ZNF184: variants seen among roughly 807,000 people sequenced by gnomAD.
ZNF184 encodes zinc finger protein 184 (Kruppel-like).
A neutral mutation model predicts 54.4 loss-of-function variants in ZNF184; 16 were observed. That is an observed-to-expected ratio of 0.29 (90% CI 0.20 to 0.45). The LOEUF (loss-of-function observed/expected upper bound fraction) is 0.45. ZNF184 is among the 20% of genes least tolerant of loss of function. The pLI, the probability that ZNF184 is intolerant of heterozygous loss-of-function variation, is 1.00. For missense variants in ZNF184, 681 were observed against 888.2 expected (o/e 0.77, Z 2.97); for synonymous variants, 254 against 295.3 (o/e 0.86, Z 1.43).
At chr6:27,465,016 C>CAAAAAAAAAAAAAAAAAAAAAAAAA (rs61602778) in intron 3 of ZNF184, among the ~76,000 whole-genome samples, 2 of 48,918 alleles carry the variant, frequency 4.1e-5, no homozygotes, top group African/African-American at 1.1e-4. Flanking sequence ...GACTCTGTCT[C>CAAAAAAAAAAAAAAAAAAAAAAAAA]AAAAAAAAAA....
At chr6:27,407,487 C>T in the ZNF184 span, among the ~76,000 whole-genome samples, 1 of 152,346 alleles carries the variant, frequency 6.6e-6, no homozygotes, top group East Asian at 1.9e-4. Flanking sequence ...GCTTCACTCT[C>T]TCTCTGGGCA....
rs1277620230 is a variant in ZNF184 at position 27,472,366 on chromosome 6, T to C, written c.-72A>G. 4.4e-6 allele frequency: 7 copies of C among 1,607,914 alleles called. No homozygotes were observed. Among genetic ancestry groups the C allele is most frequent in the Non-Finnish European group, 6.0e-6 (7 of 1,175,240 alleles). On this transcript the variant is annotated 5_prime_UTR_variant, in exon 2 of 6. Transcript: ENST00000683788. This position sits in a 1 kb window ranked among gnomAD's most constrained non-coding sequence, Gnocchi z 4.8. Reference sequence around the variant, plus strand: ...CCAGGCAGCGTTCCTTCAGCTGGTATCTCGGTCTAGGACTCAGATGTCTAA... The same window carrying C: ...CCAGGCAGCGTTCCTTCAGCTGGTACCTCGGTCTAGGACTCAGATGTCTAA...
At chr6:27,448,764 C>CT (rs10603749), downstream of ZNF184, among the ~76,000 whole-genome samples, 10,032 of 150,130 alleles carry the variant, frequency 0.067, 473 homozygotes, top group African/African-American at 0.14. Context: ...AATGCATTTC[C>CT]TTTTTTTTTT....
chr6:27,464,205 C>A (rs113012268), intron 3 of ZNF184, among the ~76,000 whole-genome samples: 39 of 152,298 alleles, frequency 2.6e-4, no homozygotes, highest in African/African-American at 8.9e-4. Flanking sequence ...CGAAAATGAT[C>A]ATTACACAAT....
rs749865285 is a variant in ZNF184 at position 27,451,590 on chromosome 6, G to A, written c.1969C>T (p.Leu657=). 1 of 1,614,172 alleles carries A rather than the reference G, an allele frequency of 6.2e-7. No individual in the cohort carries two copies. The highest frequency in any genetic ancestry group is 8.5e-7 in the Non-Finnish European group (1 of 1,180,010). ...GTGTGAATTCGTTGATGCTGAGTTA[G>A]ATGGGAGCTCTGGCTAAAGGTCTTT... ...CEKTFSQSSH[L]TQHQRIHTGE... is the part of the protein sequence containing the mutation. The change falls in exon 6 of 6, where the codon CTA becomes TTA. Residue 657 remains leucine, a synonymous_variant. Coordinates refer to ENST00000683788, the MANE Select transcript of ZNF184 (RefSeq NM_001318891.2).
chr6:27,437,540 T>G, the ZNF184 span, among the ~76,000 whole-genome samples: 1 of 152,208 alleles, frequency 6.6e-6, no homozygotes, highest in Non-Finnish European at 1.5e-5. Flanking sequence ...TTAAGCCTTG[T>G]AAGACCCTAC....
the ZNF184 span, among the ~76,000 whole-genome samples, chr6:27,420,139 A>G: frequency 2.0e-5 from 3 of 152,170 alleles, no homozygotes; most frequent in Admixed American, 6.5e-5. Flanking sequence ...GATACTCTAC[A>G]TATTTTCCAT....
chr6:27,424,298 G>T, the ZNF184 span, among the ~76,000 whole-genome samples: 1 of 152,222 alleles, frequency 6.6e-6, no homozygotes, highest in Non-Finnish European at 1.5e-5. Context: ...TGAGCACAAA[G>T]AGTAAGCAGC....
chr6:27,470,569 T>A (rs1012811822), intron 2 of ZNF184, among the ~76,000 whole-genome samples: 1 of 152,172 alleles, frequency 6.6e-6, no homozygotes, highest in Non-Finnish European at 1.5e-5. Context: ...AGATATTATC[T>A]TGGAAGCTCT....
At chr6:27,431,595 T>G in the ZNF184 span, among the ~76,000 whole-genome samples, 1 of 152,202 alleles carries the variant, frequency 6.6e-6, no homozygotes, top group South Asian at 2.1e-4. Flanking sequence ...CTGCCAACAC[T>G]CTCTAGTACT....
At position 27,472,423 on chromosome 6, in the gene ZNF184, G is replaced by C. The variant is rs1247234438; in HGVS notation, c.-129C>G. ...TTGCAGGGAATCTGCAACACGCTGA[G>C]GTTGTCTACCCTAAAAGACACAGGA... On this transcript the variant is annotated 5_prime_UTR_variant, in exon 2 of 6. Transcript: ENST00000683788. This position sits in a 1 kb window ranked among gnomAD's most constrained non-coding sequence, Gnocchi z 4.8. 1.7e-6 allele frequency: 2 copies of C among 1,191,824 alleles called. No individual in the cohort carries two copies. Among genetic ancestry groups the C allele is most frequent in the Non-Finnish European group, 2.4e-6 (2 of 820,968 alleles). 73.8% of individuals were successfully genotyped at this position (1,191,824 alleles called of 1,614,324 possible). A position where few individuals can be genotyped will look rare whatever the true frequency, so the allele number is the denominator to read the frequency against.
the ZNF184 span, among the ~76,000 whole-genome samples, chr6:27,416,551 C>G: frequency 1.3e-5 from 2 of 152,078 alleles, no homozygotes; most frequent in South Asian, 4.1e-4. Context: ...CCTTTAGTTT[C>G]GGGTATGAGG....
At chr6:27,462,386 G>C (rs1243318988) in intron 3 of ZNF184, among the ~76,000 whole-genome samples, 1 of 151,786 alleles carries the variant, frequency 6.6e-6, no homozygotes, top group Non-Finnish European at 1.5e-5. Context: ...TTTTAGTAGA[G>C]ACGGGGTTTC....
At position 27,453,251 on chromosome 6, in the gene ZNF184, G is replaced by C; in HGVS notation, c.308C>G (p.Thr103Arg). ...IPVGTCADWETRLENSVSAPE... is the reference protein window; with the variant it reads ...IPVGTCADWERRLENSVSAPE... ...GGCTGACACACTATTTTCAAGTCTT[G>C]TCTCCCAGTCTAAAAGAAAAAGAAA... The change falls in exon 6 of 6, where the codon ACA (threonine) becomes AGA (arginine). Residue 103 changes from threonine to arginine, a missense_variant. By Grantham distance (71) the Thr-to-Arg change is moderately conservative. Coordinates refer to ENST00000683788, the MANE Select transcript of ZNF184 (RefSeq NM_001318891.2). The surrounding 1 kb of genome is among the most constrained non-coding windows in gnomAD (Gnocchi z 4.7). 6.3e-7 allele frequency: 1 copy of C among 1,582,858 alleles called. No homozygotes were observed. The highest frequency in any genetic ancestry group is 8.6e-7 in the Non-Finnish European group (1 of 1,168,990).
At chr6:27,425,744 G>A in the ZNF184 span, among the ~76,000 whole-genome samples, 1 of 152,092 alleles carries the variant, frequency 6.6e-6, no homozygotes, top group African/African-American at 2.4e-5. Context: ...TTTCACCTCC[G>A]CTGTCATCTT....
chr6:27,440,846 T>C, the ZNF184 span, among the ~76,000 whole-genome samples: 2 of 151,620 alleles, frequency 1.3e-5, no homozygotes, highest in African/African-American at 4.8e-5. Context: ...TAATAAAAAA[T>C]ACAGAAAAAT....
chr6:27,465,622 A>G (rs1763116633), intron 3 of ZNF184, among the ~76,000 whole-genome samples: 1 of 152,106 alleles, frequency 6.6e-6, no homozygotes, highest in Admixed American at 6.6e-5. Flanking sequence ...GTAAATTTCA[A>G]GGCAAAAGAT....
At chr6:27,457,651 A>G (rs1363384337) in intron 3 of ZNF184, among the ~76,000 whole-genome samples, 1 of 152,196 alleles carries the variant, frequency 6.6e-6, no homozygotes. Context: ...TGCTCAGTCA[A>G]TATGGCCATT....
chr6:27,423,457 CTG>C, the ZNF184 span, among the ~76,000 whole-genome samples: 2 of 151,996 alleles, frequency 1.3e-5, no homozygotes, highest in South Asian at 2.1e-4. Context: ...GATTTGTGGG[CTG>C]TGAGTTTGAA....
Sources: gnomAD v4.1 joint callset for allele counts (sites outside exome capture counted in the v4.1 genomes callset) on GRCh38, gnomAD v4.1.1 for gene constraint, Gnocchi (gnomAD v3.1) non-coding constraint, MANE v1.5 for transcripts, NCBI Gene and HGNC (gene_info 2026-07-23, HGNC 2026-07-21) for gene names.